Variants in UTRN observed in about 807,000 individuals in gnomAD.
The protein encoded by UTRN is utrophin.
A neutral mutation model predicts 463.9 loss-of-function variants in UTRN; 283 were observed. The observed-to-expected ratio is 0.61, with a 90% CI of 0.55 to 0.67. The LOEUF is 0.67. UTRN is among the 30% of genes least tolerant of loss of function. The pLI is 0.00. For synonymous variants in UTRN, 1,442 were observed against 1,431.5 expected (o/e 1.01, Z -0.17); for missense variants, 3,922 against 4,084.3 (o/e 0.96, Z 1.08).
intron 54 of UTRN, among the ~76,000 whole-genome samples, chr6:144,732,234 A>G (rs1184308101): frequency 1.6e-4 from 5 of 31,064 alleles, no homozygotes; most frequent in Admixed American, 6.6e-4. Flanking sequence ...ATATATATAT[A>G]TATACATATA....
chr6:144,689,585 T>C (rs1783109476), intron 52 of UTRN, among the ~76,000 whole-genome samples: 1 of 152,210 alleles, frequency 6.6e-6, no homozygotes, highest in Non-Finnish European at 1.5e-5. Context: ...AGCAACCCAT[T>C]TGGACTGCCA....
chr6:144,597,133 G>C (rs934381571), intron 51 of UTRN, among the ~76,000 whole-genome samples: 4 of 152,026 alleles, frequency 2.6e-5, no homozygotes, highest in Non-Finnish European at 5.9e-5. Context: ...AGCTACTGGG[G>C]AGGCTGAGGC....
At chr6:144,825,895 T>C (rs1314630062) in intron 66 of UTRN, among the ~76,000 whole-genome samples, 1 of 150,718 alleles carries the variant, frequency 6.6e-6, no homozygotes, top group Non-Finnish European at 1.5e-5. Flanking sequence ...TTAAGTTTAC[T>C]GACAGTATAG....
At chr6:144,821,323 G>A (rs1445432098) in intron 66 of UTRN, among the ~76,000 whole-genome samples, 2 of 152,012 alleles carry the variant, frequency 1.3e-5, no homozygotes, top group Non-Finnish European at 2.9e-5. Flanking sequence ...AACACTTAAA[G>A]TGTGGCATTA....
chr6:144,778,780 G>T (rs1184674900), intron 60 of UTRN, among the ~76,000 whole-genome samples: 1 of 151,870 alleles, frequency 6.6e-6, no homozygotes, highest in East Asian at 1.9e-4. Flanking sequence ...TTGTATGTGG[G>T]ATTAAAGAAA....
chr6:144,594,304 C>G (rs942947758), intron 51 of UTRN, among the ~76,000 whole-genome samples: 8 of 152,192 alleles, frequency 5.3e-5, no homozygotes, highest in African/African-American at 1.9e-4. Flanking sequence ...ACACAACCCA[C>G]TGGTACTCCA....
At chr6:144,456,368 C>T (rs923023193) in intron 19 of UTRN, among the ~76,000 whole-genome samples, 3 of 151,986 alleles carry the variant, frequency 2.0e-5, no homozygotes, top group African/African-American at 7.2e-5. Flanking sequence ...AATAAAATAG[C>T]GTGAGGCTGG....
chr6:144,421,914 C>T lies in UTRN; in HGVS notation c.178C>T (p.Leu60Phe), dbSNP rs1381008922. Residue 60 changes from leucine to phenylalanine, a missense_variant, in exon 4 of 75, where the codon CTC (leucine) becomes TTC (phenylalanine). Transcript: ENST00000367545. ...KPPINDMFTD[L>F]KDGRKLLDLL... Reference sequence around the variant, plus strand: ...ACCCATCAATGATATGTTCACAGACCTCAAAGATGGAAGGAAGCTATTGGA... The same window carrying T: ...ACCCATCAATGATATGTTCACAGACTTCAAAGATGGAAGGAAGCTATTGGA... 1.2e-6 allele frequency: 2 copies of T among 1,612,708 alleles called. No individual in the cohort carries two copies. Among genetic ancestry groups the T allele is most frequent in the East Asian group, 4.5e-5 (2 of 44,720 alleles).
At chr6:144,310,163 T>C (rs1806115210) in intron 2 of UTRN, among the ~76,000 whole-genome samples, 1 of 152,260 alleles carries the variant, frequency 6.6e-6, no homozygotes, top group Non-Finnish European at 1.5e-5. Context: ...AATACACGTG[T>C]GCAGAAGCAA....
intron 41 of UTRN, among the ~76,000 whole-genome samples, chr6:144,528,303 T>C (rs764073938): frequency 5.9e-5 from 9 of 152,232 alleles, no homozygotes; most frequent in Non-Finnish European, 1.3e-4. Flanking sequence ...CCCAAGTTGC[T>C]GGGATTACAG....
intron 48 of UTRN, among the ~76,000 whole-genome samples, chr6:144,552,165 G>T (rs761347108): frequency 6.6e-6 from 1 of 152,170 alleles, no homozygotes; most frequent in East Asian, 1.9e-4. Context: ...CCTAATATTT[G>T]TCAAGGGAAG....
intron 53 of UTRN, among the ~76,000 whole-genome samples, chr6:144,707,745 G>T (rs1562796334): frequency 6.6e-6 from 1 of 152,168 alleles, no homozygotes; most frequent in Non-Finnish European, 1.5e-5. Flanking sequence ...GCCTGCAAAT[G>T]TGCATTATCA....
chr6:144,442,811 C>G (rs1358058301), intron 13 of UTRN, among the ~76,000 whole-genome samples: 2 of 152,148 alleles, frequency 1.3e-5, no homozygotes, highest in Non-Finnish European at 2.9e-5. Flanking sequence ...ACAGGCAAAC[C>G]ATATCACACA....
At chr6:144,332,535 C>T (rs1776409775) in intron 2 of UTRN, among the ~76,000 whole-genome samples, 1 of 151,930 alleles carries the variant, frequency 6.6e-6, no homozygotes, top group Non-Finnish European at 1.5e-5. Flanking sequence ...CAAAGTAAAA[C>T]AAAGTGGGAG....
chr6:144,550,491 A>C (rs867213762), intron 47 of UTRN, among the ~76,000 whole-genome samples: 5 of 152,272 alleles, frequency 3.3e-5, no homozygotes, highest in South Asian at 2.1e-4. Context: ...CGTGTCTAAG[A>C]GGATTTAATT....
chr6:144,647,366 CAG>C (rs1381445543), intron 51 of UTRN, among the ~76,000 whole-genome samples: 2 of 152,118 alleles, frequency 1.3e-5, no homozygotes, highest in Non-Finnish European at 2.9e-5. Context: ...TTCTCCAGAA[CAG>C]AGGAGTTTAT....
intron 15 of UTRN, 137 bp from the exon 16 acceptor site, chr6:144,447,465 G>T (rs867135289): frequency 7.8e-7 from 1 of 1,276,830 alleles, no homozygotes; most frequent in Middle Eastern, 1.9e-4. Flanking sequence ...GGAACCACGA[G>T]TCTTACCTTT....
At chr6:144,299,242 T>C (rs1218450018) in intron 2 of UTRN, among the ~76,000 whole-genome samples, 1 of 152,232 alleles carries the variant, frequency 6.6e-6, no homozygotes, top group Non-Finnish European at 1.5e-5. Flanking sequence ...TCTGGAGTTT[T>C]AACAAGTTCT....
intron 51 of UTRN, among the ~76,000 whole-genome samples, chr6:144,660,877 T>C: frequency 6.6e-6 from 1 of 152,230 alleles, no homozygotes; most frequent in Non-Finnish European, 1.5e-5. Context: ...AATGTGCGTG[T>C]AGCTCTTTTT....
Sources: gnomAD v4.1 joint callset for allele counts (sites outside exome capture counted in the v4.1 genomes callset) on GRCh38, gnomAD v4.1.1 for gene constraint, MANE v1.5 for transcripts, NCBI Gene and HGNC (gene_info 2026-07-23, HGNC 2026-07-21) for gene names.